Variants in N4BP2L2 observed in about 807,000 individuals in gnomAD.
N4BP2L2 encodes NEDD4-binding protein 2-like 2.
N4BP2L2 carries 50 observed loss-of-function variants against 56.2 expected under a neutral mutation model. The ratio of observed to expected loss-of-function variants is 0.89; its 90% CI spans 0.71 to 1.13. The LOEUF (loss-of-function observed/expected upper bound fraction) is 1.13. Among genes scored for constraint, N4BP2L2 ranks in the 50% most tolerant of loss-of-function variants. The pLI is 0.00. For missense variants in N4BP2L2, 689 were observed against 693.8 expected, an observed-to-expected ratio of 0.99 and a Z score of 0.08; for synonymous variants, 203 against 223.6, an observed-to-expected ratio of 0.91 and a Z score of 0.82.
At chr13:32,452,063 CTT>C (rs755677854) in intron 6 of N4BP2L2, among the ~76,000 whole-genome samples, 12 of 60,658 alleles carry the variant, frequency 2.0e-4, no homozygotes, top group Non-Finnish European at 2.0e-4. Context: ...TTTTCTTTTT[CTT>C]TTTTTTTTTT....
intron 2 of N4BP2L2, among the ~76,000 whole-genome samples, chr13:32,530,496 T>A (rs1345524352): frequency 6.6e-6 from 1 of 152,222 alleles, no homozygotes; most frequent in African/African-American, 2.4e-5. Context: ...AATTTAGAAA[T>A]GTGAGTAAGT....
chr13:32,456,233 A>T (rs2138592591), intron 6 of N4BP2L2, among the ~76,000 whole-genome samples: 1 of 152,308 alleles, frequency 6.6e-6, no homozygotes, highest in South Asian at 2.1e-4. Context: ...TAACAAACTC[A>T]GCCTAATCCA....
At chr13:32,511,503 G>A (rs1045067117) in exon 6 of N4BP2L2, 3 of 152,072 alleles carry the variant, frequency 2.0e-5, no homozygotes, top group Non-Finnish European at 2.9e-5. Context: ...GCCATGTTAT[G>A]GATTCCCCAC....
chr13:32,487,084 C>T (rs1228701989), intron 6 of N4BP2L2, among the ~76,000 whole-genome samples: 1 of 152,158 alleles, frequency 6.6e-6, no homozygotes, highest in Non-Finnish European at 1.5e-5. Context: ...CCCAGCTACT[C>T]AGCAGGCTGA....
At chr13:32,516,998 T>G (rs1480283557) in exon 6 of N4BP2L2, 4 of 969,222 alleles carry the variant, frequency 4.1e-6, no homozygotes, top group Non-Finnish European at 4.9e-6. Context: ...TAGAAGATAT[T>G]CTATAGTACA....
intron 3 of N4BP2L2, chr13:32,524,574 T>C (rs1253007193): frequency 6.6e-6 from 1 of 152,232 alleles, no homozygotes; most frequent in Non-Finnish European, 1.5e-5. Context: ...CTAAAATTAA[T>C]TTAGATTATT....
At chr13:32,536,692 T>G (rs138296064) in exon 2 of N4BP2L2, 3 of 1,614,052 alleles carry the variant, frequency 1.9e-6, no homozygotes, top group Non-Finnish European at 2.5e-6. Context: ...TCTCATCGTC[T>G]GCGGATACTA....
chr13:32,521,336 A>C (rs1259664204), intron 5 of N4BP2L2, 37 bp downstream of exon 5: 2 of 1,414,830 alleles, frequency 1.4e-6, no homozygotes, highest in Non-Finnish European at 2.0e-6. Context: ...AAGAAAGAAG[A>C]AAAGTTAAGG....
intron 6 of N4BP2L2, among the ~76,000 whole-genome samples, chr13:32,485,878 G>A (rs1180531665): frequency 6.6e-6 from 1 of 152,114 alleles, no homozygotes; most frequent in East Asian, 1.9e-4. Context: ...AGACCAATCT[G>A]GGCAATATAG....
At chr13:32,487,519 T>C (rs73447340) in intron 6 of N4BP2L2, among the ~76,000 whole-genome samples, 1,735 of 140,600 alleles carry the variant, frequency 0.012, 42 homozygotes, top group African/African-American at 0.043. Context: ...GAAGATAAAA[T>C]ATTCAGGCCA....
chr13:32,504,021 AAG>A (rs1485096331), intron 6 of N4BP2L2, among the ~76,000 whole-genome samples: 3 of 152,190 alleles, frequency 2.0e-5, no homozygotes, highest in Non-Finnish European at 2.9e-5. Flanking sequence ...ATAAATAAAA[AAG>A]AGTCTTGTCT....
intron 6 of N4BP2L2, among the ~76,000 whole-genome samples, chr13:32,447,524 A>T (rs1365375879): frequency 2.6e-5 from 4 of 152,246 alleles, no homozygotes; most frequent in Admixed American, 2.6e-4. Flanking sequence ...ATAAGAATCA[A>T]GTATGAGTAC....
At chr13:32,470,026 A>T (rs1392896888) in intron 6 of N4BP2L2, among the ~76,000 whole-genome samples, 1 of 152,224 alleles carries the variant, frequency 6.6e-6, no homozygotes, top group Middle Eastern at 3.2e-3. Context: ...GCATCAATTA[A>T]TGGCTATGAA....
chr13:32,508,057 CAAGTA>C (rs1163301709), downstream of N4BP2L2: 5 of 151,856 alleles, frequency 3.3e-5, no homozygotes, highest in East Asian at 9.6e-4. Context: ...TCAAGGAAGC[CAAGTA>C]AAGTATTTTA....
chr13:32,536,786 G>T (rs761044155), exon 2 of N4BP2L2: 2 of 1,614,076 alleles, frequency 1.2e-6, no homozygotes, highest in Non-Finnish European at 1.7e-6. Flanking sequence ...ATCATGCAAA[G>T]GTCTATGCAA....
At chr13:32,487,667 A>G (rs2086189017) in intron 6 of N4BP2L2, among the ~76,000 whole-genome samples, 1 of 152,054 alleles carries the variant, frequency 6.6e-6, no homozygotes, top group Non-Finnish European at 1.5e-5. Flanking sequence ...ACGCGACTCC[A>G]TCTCAAAAAA....
chr13:32,529,511 A>G (rs2054019970), intron 2 of N4BP2L2, among the ~76,000 whole-genome samples: 1 of 152,196 alleles, frequency 6.6e-6, no homozygotes, highest in Non-Finnish European at 1.5e-5. Context: ...AGAATATGAA[A>G]ATGCCATGAT....
chr13:32,475,601 GT>G (rs2083176925), intron 6 of N4BP2L2, among the ~76,000 whole-genome samples: 1 of 152,110 alleles, frequency 6.6e-6, no homozygotes, highest in Non-Finnish European at 1.5e-5. Context: ...TCAGTGCCAC[GT>G]TGTCTGCTTC....
At chr13:32,453,538 A>C (rs2078465704) in intron 6 of N4BP2L2, among the ~76,000 whole-genome samples, 1 of 152,090 alleles carries the variant, frequency 6.6e-6, no homozygotes, top group Admixed American at 6.5e-5. Flanking sequence ...TGCAGTGGCT[A>C]TTCACAGAAT....
Sources: allele counts gnomAD v4.1 joint callset (sites outside exome capture counted in the v4.1 genomes callset), GRCh38; gene constraint gnomAD v4.1.1; transcripts MANE v1.5; gene names NCBI Gene and HGNC (gene_info 2026-07-23, HGNC 2026-07-21).